SLC24A3: variants seen among roughly 807,000 people sequenced by gnomAD.
SLC24A3 encodes the protein sodium/potassium/calcium exchanger 3.
Under a neutral mutation model 75.8 loss-of-function variants are expected in SLC24A3, and 28 were observed. The observed-to-expected ratio is 0.37, with a 90% CI of 0.27 to 0.51. The LOEUF is 0.51. Among genes scored for constraint, SLC24A3 ranks in the 20% least tolerant of loss-of-function variants. The pLI is 0.94. For synonymous variants in SLC24A3, 372 were observed against 334.1 expected, an observed-to-expected ratio of 1.11 and a Z score of -1.24; for missense variants, 663 against 847.8, an observed-to-expected ratio of 0.78 and a Z score of 2.71.
chr20:19,465,113 G>A (rs1987741999), intron 2 of SLC24A3, among the ~76,000 whole-genome samples: 1 of 152,166 alleles, frequency 6.6e-6, no homozygotes, highest in South Asian at 2.1e-4. Context: ...GTGGCCAGTG[G>A]CTACCACACT....
At chr20:19,427,541 G>A (rs528611001) in intron 2 of SLC24A3, among the ~76,000 whole-genome samples, 1 of 152,206 alleles carries the variant, frequency 6.6e-6, no homozygotes, top group Non-Finnish European at 1.5e-5. Flanking sequence ...GGGGGCTGGG[G>A]GAAAAGGTAG....
At chr20:19,536,471 A>G (rs1003232407) in intron 3 of SLC24A3, among the ~76,000 whole-genome samples, 13 of 152,156 alleles carry the variant, frequency 8.5e-5, no homozygotes, top group Admixed American at 3.3e-4. Flanking sequence ...TATAGATTCA[A>G]TGCCATCCCC....
chr20:19,282,836 C>T (rs575653085), intron 2 of SLC24A3, among the ~76,000 whole-genome samples: 117 of 152,296 alleles, frequency 7.7e-4, no homozygotes, highest in African/African-American at 2.7e-3. Context: ...CTGTGAGTAG[C>T]ATTGCTCACT....
chr20:19,568,428 T>C (rs1300026559), intron 3 of SLC24A3, among the ~76,000 whole-genome samples: 1 of 152,186 alleles, frequency 6.6e-6, no homozygotes, highest in East Asian at 1.9e-4. Context: ...TATTCAGCCT[T>C]ATAAAGGAGG....
At chr20:19,575,131 A>T (rs1197234610) in intron 3 of SLC24A3, among the ~76,000 whole-genome samples, 1 of 151,922 alleles carries the variant, frequency 6.6e-6, no homozygotes, top group Non-Finnish European at 1.5e-5. Flanking sequence ...ACACATCTGT[A>T]GTCCCAGCTA....
At chr20:19,664,810 C>T (rs984302421) in intron 7 of SLC24A3, among the ~76,000 whole-genome samples, 3 of 152,328 alleles carry the variant, frequency 2.0e-5, no homozygotes, top group Non-Finnish European at 2.9e-5. Flanking sequence ...ACCATGTCCT[C>T]GGCTTCCTAC....
intron 3 of SLC24A3, among the ~76,000 whole-genome samples, chr20:19,564,957 C>T (rs112202468): frequency 1.1e-4 from 17 of 152,280 alleles, no homozygotes; most frequent in African/African-American, 3.9e-4. Context: ...TACAGGCATG[C>T]GCCACCCTGC....
intron 2 of SLC24A3, among the ~76,000 whole-genome samples, chr20:19,422,215 C>A (rs1182612002): frequency 6.6e-6 from 1 of 152,156 alleles, no homozygotes; most frequent in Non-Finnish European, 1.5e-5. Flanking sequence ...AATGGCAGAG[C>A]TCAGAGCAGA....
intron 2 of SLC24A3, among the ~76,000 whole-genome samples, chr20:19,413,812 A>G (rs1324823009): frequency 5.9e-5 from 9 of 152,240 alleles, no homozygotes; most frequent in Non-Finnish European, 1.3e-4. Flanking sequence ...GGAATCAATC[A>G]ATAGGTTTGA....
chr20:19,323,641 A>G (rs1984769579), intron 2 of SLC24A3, among the ~76,000 whole-genome samples: 1 of 152,104 alleles, frequency 6.6e-6, no homozygotes, highest in Non-Finnish European at 1.5e-5. Flanking sequence ...CCCCACATCC[A>G]GTGGGTTCAC....
At chr20:19,366,152 A>G (rs1178234382) in intron 2 of SLC24A3, among the ~76,000 whole-genome samples, 1 of 142,472 alleles carries the variant, frequency 7.0e-6, no homozygotes, top group East Asian at 2.4e-4. Flanking sequence ...TGGTGGTGGT[A>G]GGGGAGGGTG....
rs6046259 is a variant in SLC24A3 at position 19,696,561 on chromosome 20, A to G, written c.1492-236A>G. 1,148 of 424,184 alleles carry G rather than the reference A, an allele frequency of 2.7e-3. 14 individuals carry two copies. Among genetic ancestry groups the G allele is most frequent in the African/African-American group, 0.021 (1,082 of 50,400 alleles). The allele number at this position is 424,184 out of a possible 1,614,324, so 26.3% of individuals were successfully genotyped here. A position where few individuals can be genotyped will look rare whatever the true frequency, so the allele number is the denominator to read the frequency against. Reference sequence around the variant, plus strand: ...CGCCTCACCGGAAGAGAACAAGTGAAAAGGCCAATGTTTTGTTGGAAAGTT... The same window carrying G: ...CGCCTCACCGGAAGAGAACAAGTGAGAAGGCCAATGTTTTGTTGGAAAGTT... On this transcript the variant is annotated intron_variant, in intron 13 of 16. Transcript: ENST00000328041.
At chr20:19,684,432 T>C (rs1235797061) in intron 11 of SLC24A3, 96 bp downstream of exon 11, 7 of 1,403,064 alleles carry the variant, frequency 5.0e-6, no homozygotes, top group Non-Finnish European at 6.7e-6. Context: ...AGCACCTAAC[T>C]CAAAGTTTAA....
intron 2 of SLC24A3, among the ~76,000 whole-genome samples, chr20:19,304,517 G>T (rs1244851644): frequency 6.6e-6 from 1 of 152,162 alleles, no homozygotes; most frequent in Non-Finnish European, 1.5e-5. Context: ...AGGGTCCCCT[G>T]AGTTGATAAG....
At chr20:19,365,613 T>C (rs1985874817) in intron 2 of SLC24A3, among the ~76,000 whole-genome samples, 1 of 152,168 alleles carries the variant, frequency 6.6e-6, no homozygotes, top group South Asian at 2.1e-4. Context: ...TTAAATGATA[T>C]GTTGTAGATC....
intron 4 of SLC24A3, among the ~76,000 whole-genome samples, chr20:19,581,239 G>T (rs2031214379): frequency 6.6e-6 from 1 of 152,154 alleles, no homozygotes; most frequent in Non-Finnish European, 1.5e-5. Context: ...GTCACCTTAT[G>T]TCGAAGGGGA....
At chr20:19,396,315 A>C (rs1392781085) in intron 2 of SLC24A3, among the ~76,000 whole-genome samples, 12 of 152,250 alleles carry the variant, frequency 7.9e-5, no homozygotes, top group South Asian at 2.1e-4. Context: ...ATTTTCTAAT[A>C]GCTACATTAA....
Position 19,346,246 on chromosome 20 carries a change from G to GTATA in SLC24A3, c.271+65167_271+65170dup, listed in dbSNP as rs372200529. Among the ~76,000 whole-genome samples the GTATA allele has an allele frequency of 1.2e-3, 49 of 42,212 alleles. 10 individuals carry two copies. The highest frequency in any genetic ancestry group is 1.6e-3 in the African/African-American group (8 of 4,960). 27.7% of individuals were successfully genotyped at this position (42,212 alleles called of 152,430 possible). A position where few individuals can be genotyped will look rare whatever the true frequency, so the allele number is the denominator to read the frequency against. ...TGTATATATGGTATATATATATGGT[G>GTATA]TATATATATATGGTATATATATATG... On this transcript the variant is annotated intron_variant, in intron 2 of 16. Coordinates refer to ENST00000328041, the MANE Select transcript of SLC24A3 (RefSeq NM_020689.4).
chr20:19,481,804 T>C (rs950093543), intron 2 of SLC24A3, among the ~76,000 whole-genome samples: 1 of 151,948 alleles, frequency 6.6e-6, no homozygotes, highest in African/African-American at 2.4e-5. Flanking sequence ...ATGGAGTGAG[T>C]GCAAGGATTT....
Sources: gnomAD v4.1 joint callset for allele counts (sites outside exome capture counted in the v4.1 genomes callset) on GRCh38, gnomAD v4.1.1 for gene constraint, MANE v1.5 for transcripts, NCBI Gene and HGNC (gene_info 2026-07-23, HGNC 2026-07-21) for gene names.